KIF13A: variants seen among roughly 807,000 people sequenced by gnomAD.
KIF13A encodes the protein kinesin-like protein KIF13A.
Under a neutral mutation model 212.2 loss-of-function variants are expected in KIF13A, and 79 were observed. The ratio of observed to expected loss-of-function variants is 0.37; its 90% CI spans 0.31 to 0.45. KIF13A has a LOEUF of 0.45. Ranked by LOEUF, KIF13A falls within the 20% of genes least tolerant of loss-of-function variation. The pLI, the probability that KIF13A is intolerant of heterozygous loss-of-function variation, is 1.00. For missense variants in KIF13A, 1,901 were observed against 2,209.0 expected, an observed-to-expected ratio of 0.86 and a Z score of 2.79; for synonymous variants, 789 against 808.6, an observed-to-expected ratio of 0.98 and a Z score of 0.41.
At position 17,972,833 on chromosome 6, in the gene KIF13A, G is replaced by GA. The variant is rs34095609; in HGVS notation, c.146+14220dup. On this transcript the variant is annotated intron_variant, in intron 2 of 38. Coordinates refer to ENST00000259711, the MANE Select transcript of KIF13A (RefSeq NM_022113.6). ...GTTCCTTGTCTTTGAGAGAGAGTGA[G>GA]AAAAAAAAAAAAAAAAAAAAACAAG... 8.7e-3 allele frequency among the ~76,000 whole-genome samples: 981 copies of GA among 113,260 alleles called. 8 individuals are homozygous for GA. Among genetic ancestry groups the GA allele is most frequent in the Middle Eastern group, 0.033 (7 of 214 alleles). The allele number at this position is 113,260 out of a possible 152,430, so 74.3% of individuals were successfully genotyped here. A position where few individuals can be genotyped will look rare whatever the true frequency, so the allele number is the denominator to read the frequency against.
rs1478587017 is a variant in KIF13A at position 17,849,797 on chromosome 6, G to A, written c.718-308C>T. On this transcript the variant is annotated intron_variant, in intron 8 of 38. Coordinates refer to ENST00000259711, the MANE Select transcript of KIF13A (RefSeq NM_022113.6). The surrounding 1 kb of genome is among the most constrained non-coding windows in gnomAD (Gnocchi z 5.7). ...GAGATATGAGGACATGAGGATTTCT[G>A]CACATTCAAGTCAAATCCTTCTTCC... Among the ~76,000 whole-genome samples the A allele has an allele frequency of 6.6e-6, 1 of 152,170 alleles. No homozygotes were observed. The highest frequency in any genetic ancestry group is 2.4e-5 in the African/African-American group (1 of 41,446).
At chr6:17,891,937 A>G (rs191834691) in intron 3 of KIF13A, among the ~76,000 whole-genome samples, 4 of 152,146 alleles carry the variant, frequency 2.6e-5, no homozygotes, top group Admixed American at 2.6e-4. Flanking sequence ...CTATTCTCTC[A>G]TGTCTTCTAT....
chr6:17,760,615 C>A, downstream of KIF13A: 1 of 578,606 alleles, frequency 1.7e-6, no homozygotes, highest in African/African-American at 1.9e-5. Context: ...CCAGGATTTT[C>A]AGTTCTCTTG....
At chr6:17,766,944 G>A (rs926942494) in intron 38 of KIF13A, among the ~76,000 whole-genome samples, 3 of 152,152 alleles carry the variant, frequency 2.0e-5, no homozygotes, top group African/African-American at 7.2e-5. Context: ...TTGTAAAAAT[G>A]TGACTGAAAA....
At chr6:17,814,102 G>A (rs575849301) in intron 17 of KIF13A, among the ~76,000 whole-genome samples, 9 of 150,278 alleles carry the variant, frequency 6.0e-5, no homozygotes, top group East Asian at 2.0e-4. Context: ...ACAGGCGCCC[G>A]CCACCACGCC....
intron 2 of KIF13A, among the ~76,000 whole-genome samples, chr6:17,976,171 G>A (rs896421977): frequency 2.6e-5 from 4 of 152,236 alleles, no homozygotes; most frequent in Non-Finnish European, 4.4e-5. Context: ...GGAGCTACCT[G>A]CCACTCTCAC....
intron 29 of KIF13A, among the ~76,000 whole-genome samples, chr6:17,781,807 T>C (rs1185164176): frequency 6.6e-6 from 1 of 152,054 alleles, no homozygotes. Flanking sequence ...GTAAAATTTT[T>C]TGTAGGGATG....
intron 38 of KIF13A, among the ~76,000 whole-genome samples, chr6:17,765,642 A>T (rs561048404): frequency 6.6e-6 from 1 of 152,298 alleles, no homozygotes; most frequent in African/African-American, 2.4e-5. Flanking sequence ...TTTAAATGAA[A>T]ATCTCCTTTG....
At position 17,799,409 on chromosome 6, in the gene KIF13A, A is replaced by C. The variant is rs1408762555; in HGVS notation, c.2647T>G (p.Leu883Val). The change falls in exon 22 of 39, where the codon TTA becomes GTA. Residue 883 changes from leucine (L) to valine (V), a missense_variant. Physicochemically the swap from Leu to Val is conservative, Grantham distance 32 (BLOSUM62 1). Transcript: ENST00000259711. The surrounding 1 kb of genome is among the most constrained non-coding windows in gnomAD (Gnocchi z 4.4). ...VKIKEATGLP[L>V]NLSNFVFCQY... The stretch of plus-strand genomic sequence containing the variant: ...CAGAAGACAAAATTTGAGAGGTTTA[A>C]GGGCAGCCCCGTTGCTTCTTTAATT... 5 of 1,593,456 alleles carry C rather than the reference A, an allele frequency of 3.1e-6. No individual in the cohort carries two copies. The highest frequency in any genetic ancestry group is 4.3e-6 in the Non-Finnish European group (5 of 1,169,296).
chr6:17,849,591 T>G lies in KIF13A; in HGVS notation c.718-102A>C. ...TATAATTGAGCAATCCATCCCACTC[T>G]CATATGGCAAATTTCTTAAGTTTTT... On this transcript the variant is annotated intron_variant, in intron 8 of 38. Coordinates refer to ENST00000259711, the MANE Select transcript of KIF13A (RefSeq NM_022113.6). The surrounding 1 kb of genome is among the most constrained non-coding windows in gnomAD (Gnocchi z 5.7). 1.4e-6 allele frequency: 1 copy of G among 692,560 alleles called. No individual in the cohort carries two copies. The highest frequency in any genetic ancestry group is 2.4e-6 in the Non-Finnish European group (1 of 424,548). The allele number at this position is 692,560 out of a possible 1,614,324, so 42.9% of individuals were successfully genotyped here.
chr6:17,924,901 T>C (rs1423874194), intron 2 of KIF13A, among the ~76,000 whole-genome samples: 1 of 152,304 alleles, frequency 6.6e-6, no homozygotes, highest in South Asian at 2.1e-4. Context: ...CAGCAACAAA[T>C]TGCTACAACG....
intron 4 of KIF13A, among the ~76,000 whole-genome samples, chr6:17,858,096 TGTG>T (rs1474785922): frequency 1.8e-4 from 25 of 135,828 alleles, no homozygotes; most frequent in African/African-American, 7.1e-4. Context: ...TGTGTGTGTG[TGTG>T]TGTGTGTGTG....
At chr6:17,814,250 T>A (rs1291421249) in intron 17 of KIF13A, among the ~76,000 whole-genome samples, 2 of 2,768 alleles carry the variant, frequency 7.2e-4, no homozygotes, top group Non-Finnish European at 3.2e-3. Context: ...AGTGCCCGGC[T>A]TTTTTTTTTT....
chr6:17,978,885 G>A (rs1248505433), intron 2 of KIF13A, among the ~76,000 whole-genome samples: 3 of 152,118 alleles, frequency 2.0e-5, no homozygotes, highest in Non-Finnish European at 4.4e-5. Flanking sequence ...TAGCTATTTT[G>A]GTACTATTCT....
Position 17,984,668 on chromosome 6 carries a change from A to C in KIF13A, c.146+2386T>G, listed in dbSNP as rs982811463. On this transcript the variant is annotated intron_variant, in intron 2 of 38. Coordinates refer to ENST00000259711, the MANE Select transcript of KIF13A (RefSeq NM_022113.6). The surrounding 1 kb of genome is among the most constrained non-coding windows in gnomAD (Gnocchi z 5.0). ...TGAAAACTTTCACCCACTAACCTTC[A>C]ATTTCTATCCATGGCTAATTCATTG... is the stretch of plus-strand genomic sequence containing the variant. The C allele has an allele frequency of 4.3e-5, 15 of 345,360 alleles. No homozygotes were observed. Among genetic ancestry groups the C allele is most frequent in the Non-Finnish European group, 5.7e-5 (14 of 245,268 alleles). 21.4% of individuals were successfully genotyped at this position (345,360 alleles called of 1,614,324 possible). A position where few individuals can be genotyped will look rare whatever the true frequency, so the allele number is the denominator to read the frequency against.
At chr6:17,949,825 G>C (rs1777709506) in intron 2 of KIF13A, among the ~76,000 whole-genome samples, 1 of 152,032 alleles carries the variant, frequency 6.6e-6, no homozygotes, top group Non-Finnish European at 1.5e-5. Context: ...CCTAAAGAAT[G>C]ACAAACTAAG....
chr6:17,953,138 T>C (rs1156246400), intron 2 of KIF13A, among the ~76,000 whole-genome samples: 1 of 152,104 alleles, frequency 6.6e-6, no homozygotes, highest in Non-Finnish European at 1.5e-5. Flanking sequence ...CCATATAATA[T>C]AATATAGCAA....
At chr6:17,956,350 T>C (rs1288825790) in intron 2 of KIF13A, among the ~76,000 whole-genome samples, 4 of 152,240 alleles carry the variant, frequency 2.6e-5, no homozygotes, top group Non-Finnish European at 5.9e-5. Context: ...AAATCCAGCA[T>C]GTGCACACTT....
chr6:17,783,668 TG>T lies in KIF13A; in HGVS notation c.3521del (p.Pro1174GlnfsTer7). The T allele has an allele frequency of 1.3e-6, 2 of 1,582,422 alleles. No homozygotes were observed. Among genetic ancestry groups the T allele is most frequent in the African/African-American group, 1.3e-5 (1 of 74,522 alleles). ...IPPPGMETHI[P>X]VLFLDLNADD... is the part of the protein sequence containing the mutation. ...TACCATTCAAATCGAGGAAGAGAAC[TG>T]GTATGTGGGTTTCCATTCCAGGAGG... is the stretch of plus-strand genomic sequence containing the variant. On this transcript the variant is annotated frameshift_variant, in exon 29 of 39. Transcript: ENST00000259711. LOFTEE classifies it high-confidence loss of function. The surrounding 1 kb of genome is among the most constrained non-coding windows in gnomAD (Gnocchi z 4.3).
Sources: gnomAD v4.1 joint callset for allele counts (sites outside exome capture counted in the v4.1 genomes callset) on GRCh38, gnomAD v4.1.1 for gene constraint, Gnocchi (gnomAD v3.1) non-coding constraint, MANE v1.5 for transcripts, NCBI Gene and HGNC (gene_info 2026-07-23, HGNC 2026-07-21) for gene names.